ZBTB7C: variants seen among roughly 807,000 people sequenced by gnomAD.
ZBTB7C encodes zinc finger and BTB domain containing 7C, also known as zinc finger and BTB domain-containing protein 7C.
ZBTB7C carries 8 observed loss-of-function variants against 25.7 expected under a neutral mutation model. The ratio of observed to expected loss-of-function variants is 0.31; its 90% CI spans 0.18 to 0.56. The LOEUF is 0.56. Among genes scored for constraint, ZBTB7C ranks in the 20% least tolerant of loss-of-function variants. The pLI, the probability that ZBTB7C is intolerant of heterozygous loss-of-function variation, is 0.91. For missense variants in ZBTB7C, 824 were observed against 855.2 expected (o/e 0.96, Z 0.46); for synonymous variants, 394 against 369.0 (o/e 1.07, Z -0.78).
intron 3 of ZBTB7C, among the ~76,000 whole-genome samples, chr18:48,114,161 A>G (rs186925242): frequency 6.6e-6 from 1 of 152,298 alleles, no homozygotes; most frequent in Non-Finnish European, 1.5e-5. Context: ...GGATGTGGGG[A>G]CACTGGGAAC....
At chr18:48,194,106 G>C (rs968361410) in intron 2 of ZBTB7C, among the ~76,000 whole-genome samples, 7 of 152,260 alleles carry the variant, frequency 4.6e-5, no homozygotes, top group African/African-American at 1.4e-4. Context: ...GCCAACAGTG[G>C]GGCCTGGGCC....
chr18:48,267,170 C>G (rs1053018249), intron 2 of ZBTB7C, among the ~76,000 whole-genome samples: 1 of 152,176 alleles, frequency 6.6e-6, no homozygotes, highest in African/African-American at 2.4e-5. Context: ...GCCCAGCCTC[C>G]TCCATTGCTC....
intron 4 of ZBTB7C, among the ~76,000 whole-genome samples, chr18:48,036,804 G>A (rs553655852): frequency 2.6e-5 from 4 of 152,274 alleles, no homozygotes; most frequent in East Asian, 1.9e-4. Context: ...GTTAGGAATC[G>A]CGTTGGGGAA....
chr18:48,228,757 A>ACACACACG (rs386387607), intron 2 of ZBTB7C, among the ~76,000 whole-genome samples: 1 of 150,962 alleles, frequency 6.6e-6, no homozygotes, highest in Non-Finnish European at 1.5e-5. Flanking sequence ...TCACACACAC[A>ACACACACG]CACACACACA....
chr18:48,370,566 G>A (rs1488469743), intron 1 of ZBTB7C, among the ~76,000 whole-genome samples: 2 of 152,114 alleles, frequency 1.3e-5, no homozygotes, highest in African/African-American at 2.4e-5. Flanking sequence ...GCCATTGGGG[G>A]AAACTGGGTT....
intron 1 of ZBTB7C, chr18:48,408,410 C>T (rs752085220): frequency 6.6e-6 from 1 of 152,274 alleles, no homozygotes; most frequent in Non-Finnish European, 1.5e-5. Context: ...ACAGACCTCG[C>T]ACTACCCCGC....
chr18:48,311,170 G>A (rs1819696221), intron 2 of ZBTB7C, among the ~76,000 whole-genome samples: 1 of 152,046 alleles, frequency 6.6e-6, no homozygotes, highest in Non-Finnish European at 1.5e-5. Context: ...TGCTTCCTAA[G>A]GCAGCAGATC....
intron 2 of ZBTB7C, among the ~76,000 whole-genome samples, chr18:48,278,200 T>A (rs919440057): frequency 3.9e-5 from 6 of 152,138 alleles, no homozygotes; most frequent in African/African-American, 1.4e-4. Flanking sequence ...TCCTGCCACA[T>A]GCAAAGAAAT....
chr18:48,053,435 A>T (rs1217535837), intron 3 of ZBTB7C, among the ~76,000 whole-genome samples: 1 of 152,080 alleles, frequency 6.6e-6, no homozygotes, highest in African/African-American at 2.4e-5. Context: ...GACTGAATCA[A>T]ACTGGTCACT....
chr18:48,127,056 T>C (rs868596398), intron 3 of ZBTB7C, among the ~76,000 whole-genome samples: 2 of 151,940 alleles, frequency 1.3e-5, no homozygotes, highest in South Asian at 2.1e-4. Context: ...ACTTATGGAG[T>C]GTGCACAACA....
intron 3 of ZBTB7C, among the ~76,000 whole-genome samples, chr18:48,125,425 G>C (rs1014870921): frequency 6.6e-6 from 1 of 152,230 alleles, no homozygotes; most frequent in Non-Finnish European, 1.5e-5. Flanking sequence ...ATCTGTTTTT[G>C]CACGCTTGAG....
intron 3 of ZBTB7C, chr18:48,150,581 CAAA>C (rs1362784084): frequency 3.3e-3 from 285 of 86,780 alleles, no homozygotes; most frequent in African/African-American, 9.7e-3. Context: ...GACTCCATCT[CAAA>C]AAAAAAAAAA....
At chr18:48,203,443 A>T (rs945136133) in intron 2 of ZBTB7C, 4 of 152,272 alleles carry the variant, frequency 2.6e-5, no homozygotes, top group African/African-American at 9.6e-5. Flanking sequence ...AAAGCTGCTG[A>T]GAAGGACAAA....
intron 2 of ZBTB7C, among the ~76,000 whole-genome samples, chr18:48,202,342 C>A (rs970777080): frequency 6.6e-6 from 1 of 151,786 alleles, no homozygotes; most frequent in Non-Finnish European, 1.5e-5. Flanking sequence ...CAAGAGGTCG[C>A]GAGGGATTAG....
chr18:48,268,829 C>T (rs1487036254), intron 2 of ZBTB7C, among the ~76,000 whole-genome samples: 1 of 152,112 alleles, frequency 6.6e-6, no homozygotes, highest in African/African-American at 2.4e-5. Flanking sequence ...CATTGTGATG[C>T]TATAATAAAA....
At chr18:48,330,092 A>G (rs2046310161) in intron 2 of ZBTB7C, among the ~76,000 whole-genome samples, 1 of 152,218 alleles carries the variant, frequency 6.6e-6, no homozygotes, top group African/African-American at 2.4e-5. Context: ...GGCACTGAGT[A>G]AGTCCTTTCC....
chr18:48,391,832 C>G (rs2047909677), intron 1 of ZBTB7C, among the ~76,000 whole-genome samples: 1 of 152,224 alleles, frequency 6.6e-6, no homozygotes, highest in Non-Finnish European at 1.5e-5. Context: ...GCTTGGAGAA[C>G]TACTGTTCAA....
At chr18:48,390,714 T>A (rs913253563) in intron 1 of ZBTB7C, among the ~76,000 whole-genome samples, 18 of 152,032 alleles carry the variant, frequency 1.2e-4, no homozygotes, top group African/African-American at 4.3e-4. Flanking sequence ...ATCGCCAAGG[T>A]GTGGTTCCAG....
intron 2 of ZBTB7C, among the ~76,000 whole-genome samples, chr18:48,292,526 C>T (rs1568356985): frequency 6.6e-6 from 1 of 152,180 alleles, no homozygotes; most frequent in African/African-American, 2.4e-5. Context: ...AGGCCAGAAG[C>T]AGCAGCTGGC....
Sources: allele counts gnomAD v4.1 joint callset (sites outside exome capture counted in the v4.1 genomes callset), GRCh38; gene constraint gnomAD v4.1.1; transcripts MANE v1.5; gene names NCBI Gene and HGNC (gene_info 2026-07-23, HGNC 2026-07-21).